ARHGAP39: variants seen among roughly 807,000 people sequenced by gnomAD.
ARHGAP39 encodes the protein rho GTPase-activating protein 39.
Under a neutral mutation model 106.9 loss-of-function variants are expected in ARHGAP39, and 44 were observed. The ratio of observed to expected loss-of-function variants is 0.41; its 90% confidence interval spans 0.32 to 0.53. The LOEUF (loss-of-function observed/expected upper bound fraction) is 0.53. Among genes scored for constraint, ARHGAP39 ranks in the 20% least tolerant of loss-of-function variants. The probability of loss-of-function intolerance (pLI) is 0.21; values close to 1 mark genes in which losing one functional copy is unlikely to be tolerated. For missense variants in ARHGAP39, 1,496 were observed against 1,577.3 expected, an observed-to-expected ratio of 0.95 and a Z score of 0.87; for synonymous variants, 768 against 693.2, an observed-to-expected ratio of 1.11 and a Z score of -1.69.
intron 10 of ARHGAP39, 137 bp downstream of exon 10, chr8:144,532,168 G>T: frequency 1.4e-6 from 1 of 737,464 alleles, no homozygotes; most frequent in Non-Finnish European, 2.3e-6. Context: ...GCAGAAGGGA[G>T]GATGTGCTAG....
chr8:144,636,067 C>G (rs1010471915), intron 1 of ARHGAP39, among the ~76,000 whole-genome samples: 1 of 151,230 alleles, frequency 6.6e-6, no homozygotes, highest in Non-Finnish European at 1.5e-5. Flanking sequence ...CCGGTGGGAT[C>G]TGAGGCTACC....
intron 2 of ARHGAP39, among the ~76,000 whole-genome samples, chr8:144,602,358 TGGA>T (rs1177687478): frequency 3.8e-5 from 5 of 132,782 alleles, no homozygotes; most frequent in Admixed American, 1.5e-4. Context: ...TGCATGTGCA[TGGA>T]GGTGTGTGTG....
rs139851319 is a variant in ARHGAP39 at position 144,663,553 on chromosome 8, C to T, written c.-82+22133G>A. On this transcript the variant is annotated intron_variant, in intron 1 of 11. Coordinates refer to ENST00000377307, the MANE Select transcript of ARHGAP39 (RefSeq NM_025251.3). ...GATTAAACTTCAACACAAGACCTGG[C>T]GGGACTGAACAAACCACAGCCAACC... 4.9e-3 allele frequency among the ~76,000 whole-genome samples: 750 copies of T among 152,274 alleles called. 6 individuals carry two copies. Among genetic ancestry groups the T allele is most frequent in the African/African-American group, 0.017 (700 of 41,542 alleles).
At chr8:144,663,441 C>T (rs986394368) in intron 1 of ARHGAP39, among the ~76,000 whole-genome samples, 5 of 151,978 alleles carry the variant, frequency 3.3e-5, no homozygotes, top group Admixed American at 6.6e-5. Context: ...GTGAGAAGTC[C>T]CTCCTGAGAG....
intron 2 of ARHGAP39, among the ~76,000 whole-genome samples, chr8:144,600,439 G>A (rs1305258755): frequency 6.7e-6 from 1 of 148,162 alleles, no homozygotes. Context: ...TGTTCGTGGA[G>A]GCGTGCATGT....
chr8:144,617,013 ACC>A (rs1820653222), intron 1 of ARHGAP39, among the ~76,000 whole-genome samples: 2 of 152,070 alleles, frequency 1.3e-5, no homozygotes, highest in African/African-American at 4.8e-5. Flanking sequence ...GGAGTTTGAG[ACC>A]AGCCTGGCCA....
At chr8:144,588,901 G>A (rs1465340418) in intron 2 of ARHGAP39, among the ~76,000 whole-genome samples, 1 of 152,264 alleles carries the variant, frequency 6.6e-6, no homozygotes, top group Non-Finnish European at 1.5e-5. Flanking sequence ...GGCGTGTCAC[G>A]CAACGCCGGG....
At chr8:144,592,069 AAAG>A (rs1819423740) in intron 2 of ARHGAP39, among the ~76,000 whole-genome samples, 1 of 152,214 alleles carries the variant, frequency 6.6e-6, no homozygotes, top group Non-Finnish European at 1.5e-5. Context: ...CTATGCCCTA[AAAG>A]AAGTAATACC....
the ARHGAP39 span, chr8:144,698,978 G>C: frequency 2.3e-6 from 1 of 427,108 alleles, no homozygotes; most frequent in South Asian, 1.7e-5. Flanking sequence ...CCCCAGCCGC[G>C]TTTCTCTTTG....
At chr8:144,545,218 A>G in intron 6 of ARHGAP39, 31 bp downstream of exon 6, 2 of 1,483,048 alleles carry the variant, frequency 1.3e-6, no homozygotes, top group Non-Finnish European at 1.8e-6. Context: ...CCCTTACCTG[A>G]GCTGGTGGCA....
chr8:144,578,305 T>C (rs954290856), intron 3 of ARHGAP39, among the ~76,000 whole-genome samples: 3 of 152,144 alleles, frequency 2.0e-5, no homozygotes, highest in Non-Finnish European at 4.4e-5. Context: ...CTCGGCTCAC[T>C]GCAACCTCCA....
intron 1 of ARHGAP39, among the ~76,000 whole-genome samples, chr8:144,678,270 T>A (rs1473181584): frequency 2.2e-5 from 3 of 137,532 alleles, no homozygotes; most frequent in East Asian, 4.2e-4. Context: ...ACTCTCTCTC[T>A]AAAAAAAAAA....
At chr8:144,606,723 A>C (rs964014365) in intron 1 of ARHGAP39, among the ~76,000 whole-genome samples, 5 of 152,108 alleles carry the variant, frequency 3.3e-5, no homozygotes, top group African/African-American at 9.7e-5. Flanking sequence ...CTAAACCCTA[A>C]GTTGTTCAAG....
intron 4 of ARHGAP39, among the ~76,000 whole-genome samples, chr8:144,553,838 G>A (rs913225390): frequency 6.6e-6 from 1 of 152,186 alleles, no homozygotes; most frequent in African/African-American, 2.4e-5. Context: ...CAACGCAGCG[G>A]CAAGGCCTCT....
chr8:144,608,105 C>T (rs376329431), intron 1 of ARHGAP39, among the ~76,000 whole-genome samples: 9 of 136,430 alleles, frequency 6.6e-5, no homozygotes, highest in African/African-American at 2.3e-4. Flanking sequence ...TGCAGTGAGC[C>T]GGGATCGTGC....
chr8:144,685,351 G>C (rs1471397523), intron 1 of ARHGAP39, among the ~76,000 whole-genome samples: 1 of 151,130 alleles, frequency 6.6e-6, no homozygotes, highest in Non-Finnish European at 1.5e-5. Flanking sequence ...TCTGGACAGG[G>C]TACAGTCACA....
rs938583025 is a variant in ARHGAP39, at chr8:144,606,787, T to C, written c.-81-1092A>G. ...CCTCTACCTCATCCAATCTCGTACG[T>C]AAAACTTAGTTCTAGATGCACTGTA... On this transcript the variant is annotated intron_variant, in intron 1 of 11. Coordinates refer to ENST00000377307, the MANE Select transcript of ARHGAP39 (RefSeq NM_025251.3). Among the ~76,000 whole-genome samples the C allele has an allele frequency of 2.5e-4, 38 of 152,158 alleles. 2 individuals carry two copies. Among genetic ancestry groups the C allele is most frequent in the Non-Finnish European group, 2.9e-5 (2 of 68,040 alleles).
chr8:144,603,253 G>A (rs1225541115), intron 2 of ARHGAP39, among the ~76,000 whole-genome samples: 2 of 150,484 alleles, frequency 1.3e-5, no homozygotes, highest in African/African-American at 4.9e-5. Flanking sequence ...GTGTGTGCTC[G>A]TGTACCTGTG....
At position 144,548,480 on chromosome 8, in the gene ARHGAP39, CGAG is replaced by C. The variant is rs753921939; in HGVS notation, c.603_605del (p.Ser202del). 13 of 1,609,080 alleles carry C rather than the reference CGAG, an allele frequency of 8.1e-6. No homozygotes were observed. Among genetic ancestry groups the C allele is most frequent in the African/African-American group, 2.7e-5 (2 of 75,010 alleles). ...CTTTGGCGCCCGAGTTCCACCGCAG[CGAG>C]GAGGTCCTGCGTGGGGGGTGGACGG... On this transcript the variant is annotated inframe_deletion, in exon 5 of 12. Coordinates refer to ENST00000377307, the MANE Select transcript of ARHGAP39 (RefSeq NM_025251.3). The surrounding 1 kb of genome is among the most constrained non-coding windows in gnomAD (Gnocchi z 7.4).
Sources: gnomAD v4.1 joint callset for allele counts (sites outside exome capture counted in the v4.1 genomes callset) on GRCh38, gnomAD v4.1.1 for gene constraint, Gnocchi (gnomAD v3.1) non-coding constraint, MANE v1.5 for transcripts, NCBI Gene and HGNC (gene_info 2026-07-23, HGNC 2026-07-21) for gene names.